The following IL1RAPL1 variants were observed in gnomAD, a reference collection of about 807,000 sequenced individuals.
IL1RAPL1 encodes interleukin-1 receptor accessory protein-like 1.
Under a neutral mutation model 48.4 loss-of-function variants are expected in IL1RAPL1, and 3 were observed. The ratio of observed to expected loss-of-function variants is 0.06; its 90% CI spans 0.03 to 0.16. IL1RAPL1 has a LOEUF of 0.16. Ranked by LOEUF, IL1RAPL1 falls within the 10% of genes least tolerant of loss-of-function variation. The pLI, the probability that IL1RAPL1 is intolerant of heterozygous loss-of-function variation, is 1.00. For synonymous variants in IL1RAPL1, 185 were observed against 187.7 expected, an observed-to-expected ratio of 0.99 and a Z score of 0.12; for missense variants, 349 against 530.6, an observed-to-expected ratio of 0.66 and a Z score of 3.36.
chrX:29,571,941 G>A (rs1412237215), intron 5 of IL1RAPL1, among the ~76,000 whole-genome samples: 1 of 112,012 alleles, frequency 8.9e-6, no homozygotes, highest in East Asian at 2.8e-4. Flanking sequence ...GGCAAGTACT[G>A]TTCTTGATTG....
chrX:28,633,108 C>T (rs1051162466), intron 1 of IL1RAPL1, among the ~76,000 whole-genome samples: 1 of 110,735 alleles, frequency 9.0e-6, no homozygotes, highest in African/African-American at 3.3e-5. Context: ...AGAATGGTCT[C>T]GAACTCCTGG....
At chrX:29,611,190 A>G (rs1924082070) in intron 5 of IL1RAPL1, among the ~76,000 whole-genome samples, 2 of 111,229 alleles carry the variant, frequency 1.8e-5, no homozygotes, top group African/African-American at 6.5e-5. Context: ...GAGATAATCA[A>G]CTAAGAGCCA....
At chrX:29,655,853 A>C (rs1234644742) in intron 5 of IL1RAPL1, among the ~76,000 whole-genome samples, 2 of 111,029 alleles carry the variant, frequency 1.8e-5, no homozygotes, top group African/African-American at 6.6e-5. Flanking sequence ...CCAAAACATA[A>C]GTGTTAATTT....
At chrX:28,959,453 G>A (rs1924709083) in intron 2 of IL1RAPL1, among the ~76,000 whole-genome samples, 1 of 111,573 alleles carries the variant, frequency 9.0e-6, no homozygotes, top group South Asian at 3.7e-4. Flanking sequence ...TCCAGTATAA[G>A]AGAGTGTTTG....
At chrX:29,655,625 T>C (rs1200872852) in intron 5 of IL1RAPL1, among the ~76,000 whole-genome samples, 2 of 86,759 alleles carry the variant, frequency 2.3e-5, no homozygotes, top group Non-Finnish European at 4.2e-5. Context: ...ATCATGCCAC[T>C]GCACTCCAGC....
chrX:28,816,106 C>T (rs773121135), intron 2 of IL1RAPL1, among the ~76,000 whole-genome samples: 1 of 106,707 alleles, frequency 9.4e-6, no homozygotes, highest in Admixed American at 1.0e-4. Flanking sequence ...AGTGGCTGTA[C>T]TAATTTACAT....
chrX:29,530,433 AC>A (rs1481871516), intron 5 of IL1RAPL1, among the ~76,000 whole-genome samples: 11 of 111,642 alleles, frequency 9.9e-5, no homozygotes, highest in Non-Finnish European at 1.9e-4. Flanking sequence ...GGCAAAAGGG[AC>A]TTAATCCTGG....
chrX:29,416,531 C>T (rs1054531209), intron 5 of IL1RAPL1, among the ~76,000 whole-genome samples: 4 of 110,662 alleles, frequency 3.6e-5, no homozygotes, highest in Non-Finnish European at 7.6e-5. Context: ...AGTTAGACTC[C>T]GTCTCAAAAC....
intron 6 of IL1RAPL1, among the ~76,000 whole-genome samples, chrX:29,767,856 C>T (rs780733707): frequency 9.0e-6 from 1 of 111,059 alleles, no homozygotes; most frequent in South Asian, 3.8e-4. Context: ...ATAAGACTGC[C>T]TTTAAAACAT....
At chrX:29,782,092 GTCTGTCTGTCTATCTATCTA>G (rs1467278551) in intron 6 of IL1RAPL1, among the ~76,000 whole-genome samples, 2 of 74,234 alleles carry the variant, frequency 2.7e-5, no homozygotes, top group Non-Finnish European at 5.7e-5. Context: ...CTGTCTGTCT[GTCTGTCTGTCTATCTATCTA>G]TCTATCTATC....
intron 2 of IL1RAPL1, among the ~76,000 whole-genome samples, chrX:29,019,937 T>G (rs1234329208): frequency 3.6e-5 from 4 of 112,091 alleles, no homozygotes; most frequent in Admixed American, 1.9e-4. Context: ...TTCTATATCC[T>G]CCATTGGAAA....
chrX:29,679,266 CA>C (rs1926378337), intron 6 of IL1RAPL1, among the ~76,000 whole-genome samples: 2 of 111,440 alleles, frequency 1.8e-5, no homozygotes, highest in Non-Finnish European at 1.9e-5. Context: ...GTTCAGAAAA[CA>C]AAATATTTTT....
At chrX:28,957,970 TA>T (rs1924660472) in intron 2 of IL1RAPL1, among the ~76,000 whole-genome samples, 1 of 110,191 alleles carries the variant, frequency 9.1e-6, no homozygotes, top group Non-Finnish European at 1.9e-5. Flanking sequence ...AAAAATAAAA[TA>T]AAAATAAAAT....
intron 5 of IL1RAPL1, among the ~76,000 whole-genome samples, chrX:29,485,154 C>T (rs1407258663): frequency 8.9e-6 from 1 of 111,920 alleles, no homozygotes; most frequent in Non-Finnish European, 1.9e-5. Context: ...ACTAGGTGTA[C>T]TTTAGAAAAA....
At chrX:28,724,793 A>G (rs755165564) in intron 1 of IL1RAPL1, among the ~76,000 whole-genome samples, 1 of 110,974 alleles carries the variant, frequency 9.0e-6, no homozygotes, top group South Asian at 3.8e-4. Flanking sequence ...CCCTACAAGA[A>G]TGACTGATTG....
At chrX:28,665,491 T>TTTTG (rs1158022792) in intron 1 of IL1RAPL1, among the ~76,000 whole-genome samples, 2 of 111,229 alleles carry the variant, frequency 1.8e-5, no homozygotes, top group East Asian at 5.6e-4. Context: ...GGTACTTTTT[T>TTTTG]TTTGTTTGTT....
At chrX:29,154,557 A>T (rs1044686370) in intron 2 of IL1RAPL1, among the ~76,000 whole-genome samples, 1 of 110,838 alleles carries the variant, frequency 9.0e-6, no homozygotes, top group Non-Finnish European at 1.9e-5. Flanking sequence ...AAAATTGTGG[A>T]GTCCAAACTG....
chrX:28,850,833 GTTTTTT>G (rs368433174), intron 2 of IL1RAPL1, among the ~76,000 whole-genome samples: 1 of 86,968 alleles, frequency 1.1e-5, no homozygotes, highest in African/African-American at 4.3e-5. Flanking sequence ...TACCCCTATG[GTTTTTT>G]TTTTTTTTTT....
At chrX:29,247,515 G>A (rs1393729546) in intron 2 of IL1RAPL1, among the ~76,000 whole-genome samples, 2 of 111,845 alleles carry the variant, frequency 1.8e-5, no homozygotes, top group Non-Finnish European at 3.8e-5. Flanking sequence ...GCCAGGTGCG[G>A]TGGCTCATGC....
Sources: allele counts gnomAD v4.1 joint callset (sites outside exome capture counted in the v4.1 genomes callset), GRCh38; gene constraint gnomAD v4.1.1; transcripts MANE v1.5; gene names NCBI Gene and HGNC (gene_info 2026-07-23, HGNC 2026-07-21).